The following ARHGAP10 variants were observed in gnomAD, a reference collection of about 807,000 sequenced individuals.
ARHGAP10 encodes the protein rho GTPase-activating protein 10.
Under a neutral mutation model 108.6 loss-of-function variants are expected in ARHGAP10, and 87 were observed. That is an observed-to-expected ratio of 0.80 (90% confidence interval 0.67 to 0.96). The LOEUF is 0.96. Among genes scored for constraint, ARHGAP10 ranks in the 40% least tolerant of loss-of-function variants. The pLI is 0.00. For missense variants in ARHGAP10, 939 were observed against 954.5 expected (o/e 0.98, Z 0.21); for synonymous variants, 347 against 341.1 (o/e 1.02, Z -0.19).
intron 1 of ARHGAP10, among the ~76,000 whole-genome samples, chr4:147,791,112 CTTTTT>C (rs368304720): frequency 7.4e-6 from 1 of 134,258 alleles, no homozygotes; most frequent in Admixed American, 7.4e-5. Flanking sequence ...ATATTCTTTA[CTTTTT>C]TTTTTTTTTT....
chr4:147,982,105 A>G (rs1315553429), intron 18 of ARHGAP10, among the ~76,000 whole-genome samples: 1 of 152,168 alleles, frequency 6.6e-6, no homozygotes, highest in African/African-American at 2.4e-5. Context: ...TGGTATGAGT[A>G]TGGGTCACTG....
intron 18 of ARHGAP10, among the ~76,000 whole-genome samples, chr4:148,000,353 T>A (rs1003228721): frequency 4.6e-5 from 7 of 152,174 alleles, no homozygotes; most frequent in African/African-American, 1.4e-4. Flanking sequence ...TGGTTCCAAG[T>A]CTTTGCTATT....
chr4:147,902,828 C>T (rs1008339897), intron 10 of ARHGAP10, among the ~76,000 whole-genome samples: 1 of 141,964 alleles, frequency 7.0e-6, no homozygotes, highest in Non-Finnish European at 1.5e-5. Context: ...GGGGAGGCCT[C>T]AGGAAACTTA....
intron 18 of ARHGAP10, among the ~76,000 whole-genome samples, chr4:147,972,996 C>G (rs1233767598): frequency 6.6e-6 from 1 of 151,990 alleles, no homozygotes. Flanking sequence ...CTCAAGTGAT[C>G]CACCGGCCTT....
intron 21 of ARHGAP10, 105 bp downstream of exon 21, chr4:148,063,405 A>G: frequency 2.8e-6 from 4 of 1,451,128 alleles, no homozygotes; most frequent in South Asian, 1.3e-5. Flanking sequence ...GCTTGCCCAG[A>G]TACCCCCAGC....
intron 18 of ARHGAP10, among the ~76,000 whole-genome samples, chr4:147,975,218 AGTGGAGGCCATT>A (rs1201594623): frequency 4.6e-5 from 7 of 152,090 alleles, no homozygotes; most frequent in Non-Finnish European, 1.0e-4. Context: ...TTGGTGTGAC[AGTGGAGGCCATT>A]GTGGTGGTCT....
At chr4:147,897,860 T>C (rs62330732) in intron 10 of ARHGAP10, among the ~76,000 whole-genome samples, 107,442 of 152,128 alleles carry the variant, frequency 0.71, 44,109 homozygotes, top group Non-Finnish European at 0.92. Flanking sequence ...TTTGGCTATA[T>C]GTGTATATTT....
intron 10 of ARHGAP10, among the ~76,000 whole-genome samples, chr4:147,898,421 T>C (rs1474598892): frequency 6.6e-6 from 1 of 152,076 alleles, no homozygotes; most frequent in African/African-American, 2.4e-5. Context: ...CTTTCTCTCT[T>C]GCTGCTTTCC....
intron 18 of ARHGAP10, among the ~76,000 whole-genome samples, chr4:147,983,276 C>T (rs1261540078): frequency 2.0e-5 from 3 of 151,336 alleles, no homozygotes; most frequent in South Asian, 4.2e-4. Context: ...ACCTCCACCT[C>T]CCGGGTTCAC....
chr4:147,818,968 G>A (rs1732374320), intron 1 of ARHGAP10, among the ~76,000 whole-genome samples: 1 of 152,174 alleles, frequency 6.6e-6, no homozygotes, highest in Admixed American at 6.5e-5. Flanking sequence ...ATGAGTGATA[G>A]AAATGCTTAT....
intron 8 of ARHGAP10, among the ~76,000 whole-genome samples, chr4:147,877,221 G>A (rs1362911555): frequency 6.6e-6 from 1 of 150,820 alleles, no homozygotes; most frequent in Non-Finnish European, 1.5e-5. Context: ...TCCTCTCTGG[G>A]CAGTTTTTTT....
intron 18 of ARHGAP10, among the ~76,000 whole-genome samples, chr4:147,999,250 C>G (rs1740598663): frequency 6.6e-6 from 1 of 152,338 alleles, no homozygotes; most frequent in South Asian, 2.1e-4. Context: ...AGCCAATCAT[C>G]TATCACCTGA....
chr4:147,970,588 G>T (rs1423918873), intron 18 of ARHGAP10, among the ~76,000 whole-genome samples: 1 of 152,056 alleles, frequency 6.6e-6, no homozygotes, highest in Non-Finnish European at 1.5e-5. Context: ...GAAAAATGTT[G>T]ACTCCAGGAA....
rs897705992 is a variant in ARHGAP10 at position 147,820,264 on chromosome 4, C to T, written c.155-2463C>T. 2.0e-5 allele frequency among the ~76,000 whole-genome samples: 3 copies of T among 152,096 alleles called. No individual in the cohort carries two copies. In the East Asian group the frequency reaches 5.8e-4, roughly 29 times the overall value. On this transcript the variant is annotated intron_variant, in intron 1 of 22. Coordinates refer to ENST00000336498, the MANE Select transcript of ARHGAP10 (RefSeq NM_024605.4). ...AACAATTGCATGTTTGCCTGGTTTACATTAGGAACTAAGTTATTTTATTTA... is the reference window on the plus strand; with the variant it reads ...AACAATTGCATGTTTGCCTGGTTTATATTAGGAACTAAGTTATTTTATTTA...
At chr4:147,756,524 A>G (rs938205553) in intron 1 of ARHGAP10, among the ~76,000 whole-genome samples, 1 of 152,226 alleles carries the variant, frequency 6.6e-6, no homozygotes, top group African/African-American at 2.4e-5. Flanking sequence ...AAAATAGTAC[A>G]TGAAAAATTC....
chr4:147,909,897 G>T (rs896658195), intron 12 of ARHGAP10, 120 bp downstream of exon 12: 19 of 899,168 alleles, frequency 2.1e-5, no homozygotes, highest in Admixed American at 9.9e-5. Flanking sequence ...AGACAGAGGG[G>T]TATTACACGT....
intron 18 of ARHGAP10, among the ~76,000 whole-genome samples, chr4:148,014,461 A>T (rs1741278010): frequency 6.6e-6 from 1 of 152,238 alleles, no homozygotes; most frequent in African/African-American, 2.4e-5. Context: ...TGAACATAAC[A>T]GTGATGCAGC....
At chr4:147,956,729 G>T (rs1334991413) in intron 16 of ARHGAP10, among the ~76,000 whole-genome samples, 2 of 150,716 alleles carry the variant, frequency 1.3e-5, no homozygotes, top group Non-Finnish European at 3.0e-5. Context: ...AAGTGATTAT[G>T]GAATAAGGTT....
Position 147,819,652 on chromosome 4 carries a change from G to A in ARHGAP10, c.155-3075G>A, listed in dbSNP as rs147844528. Among the ~76,000 whole-genome samples, 105 of 152,016 alleles carry A rather than the reference G, an allele frequency of 6.9e-4. 1 individual carries two copies. The highest frequency in any genetic ancestry group is 2.0e-3 in the African/African-American group (82 of 41,438). On this transcript the variant is annotated intron_variant, in intron 1 of 22. Transcript: ENST00000336498. ...ATGCTTCGCCTCCCGGGTTCCTCCC[G>A]GGTTCACACCATTCTCCTGCCTCAG...
Sources: allele counts gnomAD v4.1 joint callset (sites outside exome capture counted in the v4.1 genomes callset), GRCh38; gene constraint gnomAD v4.1.1; transcripts MANE v1.5; gene names NCBI Gene and HGNC (gene_info 2026-07-23, HGNC 2026-07-21).